ZNF609: variants seen among roughly 807,000 people sequenced by gnomAD.
ZNF609 encodes the protein zinc finger protein 609.
In ZNF609, 11 loss-of-function variants were observed where a neutral mutation model predicts 109.5. That is an observed-to-expected ratio of 0.10 (90% CI 0.06 to 0.17). The LOEUF is 0.17. Ranked by LOEUF, ZNF609 falls within the 10% of genes least tolerant of loss-of-function variation. ZNF609 has a pLI of 1.00. For missense variants in ZNF609, 1,559 were observed against 1,772.4 expected, an observed-to-expected ratio of 0.88 and a Z score of 2.16; for synonymous variants, 646 against 662.0, an observed-to-expected ratio of 0.98 and a Z score of 0.37.
At position 64,675,639 on chromosome 15, in the gene ZNF609, G is replaced by T; in HGVS notation, c.2785G>T (p.Asp929Tyr). 1.2e-6 allele frequency: 2 copies of T among 1,614,056 alleles called. No individual in the cohort carries two copies. The highest frequency in any genetic ancestry group is 1.7e-6 in the Non-Finnish European group (2 of 1,180,034). ...GAGCCAGGCCCTGAAGACAAAAAGG[G>T]ATGAGGAACCTGAGAGCATAGAAGG... The part of the protein sequence containing the change: ...VESQALKTKR[D>Y]EEPESIEGKV... The change falls in exon 5 of 10, where the codon GAT (aspartate) becomes TAT (tyrosine). Residue 929 changes from aspartate (D) to tyrosine (Y), a missense_variant. Asp to Tyr is a radical substitution (Grantham distance 160, BLOSUM62 -3). This residue lies in a region of ZNF609 where 1,204 missense variants were observed against 1,314.1 expected (regional missense o/e 0.92). Transcript: ENST00000326648.
intron 1 of ZNF609, among the ~76,000 whole-genome samples, chr15:64,495,805 T>G (rs1893474008): frequency 6.6e-6 from 1 of 151,708 alleles, no homozygotes; most frequent in Non-Finnish European, 1.5e-5. Flanking sequence ...TTACACATTT[T>G]CATTTTAACC....
At position 64,675,937 on chromosome 15, in the gene ZNF609, G is replaced by T. The variant is rs890027451; in HGVS notation, c.3083G>T (p.Gly1028Val). 2.5e-6 allele frequency: 4 copies of T among 1,614,178 alleles called. No individual in the cohort carries two copies. Among genetic ancestry groups the T allele is most frequent in the Non-Finnish European group, 3.4e-6 (4 of 1,180,028 alleles). The change falls in exon 5 of 10, where the codon GGC becomes GTC. Residue 1028 changes from glycine to valine, a missense_variant. Coordinates refer to ENST00000326648, the MANE Select transcript of ZNF609 (RefSeq NM_015042.2). ...QRGVDKKAEM[G>V]LKEREAALKE... ...GGAGTGGACAAGAAGGCAGAGATGG[G>T]CCTGAAGGAGCGGGAGGCAGCACTC...
chr15:64,592,188 T>TC (rs770425818), intron 2 of ZNF609, among the ~76,000 whole-genome samples: 2 of 152,068 alleles, frequency 1.3e-5, no homozygotes, highest in Non-Finnish European at 2.9e-5. Context: ...AAAAAGATAT[T>TC]TCTCTCAGCC....
intron 2 of ZNF609, among the ~76,000 whole-genome samples, chr15:64,594,126 T>A (rs1447268985): frequency 6.6e-6 from 1 of 152,204 alleles, no homozygotes; most frequent in Non-Finnish European, 1.5e-5. Flanking sequence ...AGGTTGATAC[T>A]GAACCCACTC....
At chr15:64,604,816 G>T (rs147245316) in intron 2 of ZNF609, among the ~76,000 whole-genome samples, 2,447 of 151,784 alleles carry the variant, frequency 0.016, 36 homozygotes, top group African/African-American at 0.046. Flanking sequence ...AATTTATTTA[G>T]TTATTTATTC....
chr15:64,578,245 T>TA (rs1895035807), intron 2 of ZNF609, among the ~76,000 whole-genome samples: 1 of 152,024 alleles, frequency 6.6e-6, no homozygotes, highest in South Asian at 2.1e-4. Flanking sequence ...GTTTTTTTTT[T>TA]ATATCAAAAA....
rs575049984 is a variant in ZNF609, at chr15:64,560,608, C to T, written c.747+60442C>T. ...ATCTGTGTGCATTCACGCACATGAG[C>T]ATGTGTGTGGAGGAGAAGAGGAAAA... On this transcript the variant is annotated intron_variant, in intron 2 of 9. Transcript: ENST00000326648. Among the ~76,000 whole-genome samples, 65 of 152,132 alleles carry T rather than the reference C, an allele frequency of 4.3e-4. No homozygotes were observed. In the Middle Eastern group the frequency reaches 0.027, roughly 64 times the overall value.
chr15:64,592,092 G>C (rs73451083), intron 2 of ZNF609, among the ~76,000 whole-genome samples: 6,979 of 151,874 alleles, frequency 0.046, 530 homozygotes, highest in African/African-American at 0.16. Flanking sequence ...TGGAGCTCTG[G>C]GGGTCAAGGC....
chr15:64,473,191 C>CTTTTTTTTTTTGTTTTTTTTTTT (rs1893115067), intron 1 of ZNF609, among the ~76,000 whole-genome samples: 1 of 76,076 alleles, frequency 1.3e-5, no homozygotes, highest in African/African-American at 6.5e-5. Flanking sequence ...ATATTTGGTT[C>CTTTTTTTTTTTGTTTTTTTTTTT]TTTTTTTTTT....
At chr15:64,588,992 A>G (rs1895249950) in intron 2 of ZNF609, among the ~76,000 whole-genome samples, 1 of 152,116 alleles carries the variant, frequency 6.6e-6, no homozygotes, top group Non-Finnish European at 1.5e-5. Context: ...TCAGCTACCC[A>G]AATAGGGGAG....
chr15:64,514,403 A>G (rs1270985406), intron 2 of ZNF609, among the ~76,000 whole-genome samples: 2 of 152,132 alleles, frequency 1.3e-5, no homozygotes, highest in African/African-American at 2.4e-5. Context: ...TCCAACCTTC[A>G]TGTTCTTCAC....
intron 2 of ZNF609, among the ~76,000 whole-genome samples, chr15:64,510,820 T>C (rs1893714663): frequency 6.6e-6 from 1 of 152,184 alleles, no homozygotes; most frequent in African/African-American, 2.4e-5. Flanking sequence ...TTTTTAAATT[T>C]AAGACTGCTG....
In ZNF609 at chr15:64,562,083, C is replaced by G. The variant is rs780916350; in HGVS notation, c.748-60744C>G. ...TTGAGTTTTATAAATCTCCAAACTT[C>G]AAAACTAGTAGATGCTGGTATAAAA... On this transcript the variant is annotated intron_variant, in intron 2 of 9. Transcript: ENST00000326648. Among the ~76,000 whole-genome samples the G allele has an allele frequency of 1.7e-4, 26 of 152,284 alleles. No individual in the cohort carries two copies. In the South Asian group the frequency reaches 2.9e-3, roughly 17 times the overall value.
chr15:64,568,797 A>G (rs1013446647), intron 2 of ZNF609, among the ~76,000 whole-genome samples: 1 of 152,206 alleles, frequency 6.6e-6, no homozygotes, highest in Admixed American at 6.5e-5. Context: ...GATGAATAAG[A>G]TATGTTAACT....
chr15:64,503,552 C>G (rs1893591899), intron 2 of ZNF609, among the ~76,000 whole-genome samples: 1 of 152,188 alleles, frequency 6.6e-6, no homozygotes, highest in Non-Finnish European at 1.5e-5. Flanking sequence ...TGGCAACGAT[C>G]TATCTGTGCT....
intron 2 of ZNF609, among the ~76,000 whole-genome samples, chr15:64,579,188 A>G (rs1300656355): frequency 3.9e-5 from 6 of 152,020 alleles, no homozygotes; most frequent in Admixed American, 2.6e-4. Context: ...TGTATAGTGT[A>G]GGGAGACCCA....
At chr15:64,620,266 C>T (rs186374432) in intron 2 of ZNF609, among the ~76,000 whole-genome samples, 3 of 152,296 alleles carry the variant, frequency 2.0e-5, no homozygotes, top group Admixed American at 2.0e-4. Context: ...TGTGAAACTG[C>T]TTCTGTCACA....
At chr15:64,491,924 C>T (rs1357103920) in intron 1 of ZNF609, among the ~76,000 whole-genome samples, 1 of 151,970 alleles carries the variant, frequency 6.6e-6, no homozygotes, top group Admixed American at 6.6e-5. Context: ...TGGAGTCTGT[C>T]AGTCACGACA....
At chr15:64,491,458 C>T (rs1331979311) in intron 1 of ZNF609, among the ~76,000 whole-genome samples, 1 of 152,150 alleles carries the variant, frequency 6.6e-6, no homozygotes, top group African/African-American at 2.4e-5. Context: ...TCCTGTAAAC[C>T]TCACACAGTT....
Sources: gnomAD v4.1 joint callset for allele counts (sites outside exome capture counted in the v4.1 genomes callset) on GRCh38, gnomAD v4.1.1 for gene constraint, gnomAD v4.1.1 regional missense constraint, MANE v1.5 for transcripts, NCBI Gene and HGNC (gene_info 2026-07-23, HGNC 2026-07-21) for gene names.